GTF2H5: variants seen among roughly 807,000 people sequenced by gnomAD.
GTF2H5 encodes the protein general transcription factor IIH subunit 5, also known as TFB5 ortholog.
A neutral mutation model predicts 7.1 loss-of-function variants in GTF2H5; 5 were observed. That is an observed-to-expected ratio of 0.71 (90% CI 0.37 to 1.49). The LOEUF is 1.49. Ranked by LOEUF, GTF2H5 falls within the 40% of genes most tolerant of loss-of-function variation. GTF2H5 has a pLI of 0.03. For synonymous variants in GTF2H5, 30 were observed against 31.7 expected (o/e 0.95, Z 0.18); for missense variants, 80 against 83.0 (o/e 0.96, Z 0.14).
intron 1 of GTF2H5, among the ~76,000 whole-genome samples, chr6:158,168,624 A>C (rs575387793): frequency 1.3e-5 from 2 of 152,118 alleles, no homozygotes; most frequent in Admixed American, 6.5e-5. Context: ...CCCTGCGCCC[A>C]GGTGTAAGTG....
At chr6:158,175,909 T>C (rs1161704657) in intron 2 of GTF2H5, among the ~76,000 whole-genome samples, 1 of 152,224 alleles carries the variant, frequency 6.6e-6, no homozygotes, top group Admixed American at 6.5e-5. Context: ...TTTAAGTGAT[T>C]CAGGGAAATG....
intron 1 of GTF2H5, among the ~76,000 whole-genome samples, chr6:158,169,638 C>CATATA (rs1554267061): frequency 9.0e-5 from 4 of 44,492 alleles, no homozygotes; most frequent in African/African-American, 2.3e-4. Flanking sequence ...TTGTATATTA[C>CATATA]ATATATTGTA....
chr6:158,189,707 G>A (rs776196002), intron 2 of GTF2H5, among the ~76,000 whole-genome samples: 2 of 152,146 alleles, frequency 1.3e-5, no homozygotes, highest in Non-Finnish European at 2.9e-5. Context: ...CTAGCTTCCA[G>A]TCTACCTTTC....
chr6:158,180,132 C>T lies in GTF2H5; in HGVS notation c.35+9594C>T, dbSNP rs192089951. Among the ~76,000 whole-genome samples, 13 of 152,142 alleles carry T rather than the reference C, an allele frequency of 8.5e-5. No homozygotes were observed. The East Asian group carries it at 1.4e-3, about 16-fold the overall frequency. ...CCTTTTCCGCATCTTTTGAGATAAT[C>T]GTGGTTTTTGTCATTGGTTCTGTTT... is the stretch of plus-strand genomic sequence containing the variant. On this transcript the variant is annotated intron_variant, in intron 2 of 2. Transcript: ENST00000607778.
At chr6:158,177,837 T>C (rs1229879680) in intron 2 of GTF2H5, among the ~76,000 whole-genome samples, 3 of 152,188 alleles carry the variant, frequency 2.0e-5, no homozygotes, top group Non-Finnish European at 2.9e-5. Context: ...TTTCTGATCT[T>C]GTGATAGTTT....
Position 158,181,810 on chromosome 6 carries a change from C to T in GTF2H5, c.36-10167C>T, listed in dbSNP as rs543652890. On this transcript the variant is annotated intron_variant, in intron 2 of 2. Coordinates refer to ENST00000607778, the MANE Select transcript of GTF2H5 (RefSeq NM_207118.3). Reference sequence around the variant, plus strand: ...GGGTCTCCTGAATACAGCACACCAACGGGTCTTGACTCTATCCCATTTGGC... The same window carrying T: ...GGGTCTCCTGAATACAGCACACCAATGGGTCTTGACTCTATCCCATTTGGC... 1.6e-3 allele frequency among the ~76,000 whole-genome samples: 239 copies of T among 152,052 alleles called. 1 individual carries two copies. The highest frequency in any genetic ancestry group is 2.4e-3 in the Non-Finnish European group (166 of 67,992).
rs934113200 is a variant in GTF2H5 at position 158,198,788 on chromosome 6, T to G, written c.*6631T>G. The G allele has an allele frequency of 1.3e-5, 2 of 150,508 alleles. No homozygotes were observed. The highest frequency in any genetic ancestry group is 5.0e-5 in the African/African-American group (2 of 40,152). The allele number at this position is 150,508 out of a possible 1,614,324, so 9.3% of individuals were successfully genotyped here. A position where few individuals can be genotyped will look rare whatever the true frequency, so the allele number is the denominator to read the frequency against. Reference sequence around the variant, plus strand: ...CATCTCTTGTTTTCTCACCCAGCTGTTCTTCTTCTAGTTGGCCATCATTCT... The same window carrying G: ...CATCTCTTGTTTTCTCACCCAGCTGGTCTTCTTCTAGTTGGCCATCATTCT... On this transcript the variant is annotated 3_prime_UTR_variant, in exon 3 of 3. Coordinates refer to ENST00000607778, the MANE Select transcript of GTF2H5 (RefSeq NM_207118.3).
intron 1 of GTF2H5, among the ~76,000 whole-genome samples, chr6:158,168,924 C>A (rs958925378): frequency 6.6e-6 from 1 of 152,032 alleles, no homozygotes; most frequent in Non-Finnish European, 1.5e-5. Flanking sequence ...ATGGTGAAAC[C>A]CCGTCTCCAC....
At chr6:158,168,658 C>G (rs536323390) in intron 1 of GTF2H5, among the ~76,000 whole-genome samples, 56 of 152,342 alleles carry the variant, frequency 3.7e-4, no homozygotes, top group African/African-American at 1.3e-3. Context: ...TGGGCGTACG[C>G]TGAGTGGTTT....
At chr6:158,168,587 G>A (rs1298539938) in intron 1 of GTF2H5, among the ~76,000 whole-genome samples, 192 bp downstream of exon 1, 1 of 152,210 alleles carries the variant, frequency 6.6e-6, no homozygotes, top group Non-Finnish European at 1.5e-5. Context: ...TCGTTTAATC[G>A]TGGGTTTCCT....
intron 2 of GTF2H5, 23 bp from the exon 3 acceptor site, chr6:158,191,954 C>T (rs776946388): frequency 6.3e-7 from 1 of 1,598,084 alleles, no homozygotes; most frequent in Non-Finnish European, 8.6e-7. Context: ...AGCTGTCTTA[C>T]AATCATGTGT....
intron 1 of GTF2H5, among the ~76,000 whole-genome samples, chr6:158,169,358 A>ATGTATAT (rs1562467643): frequency 2.6e-4 from 21 of 80,916 alleles, no homozygotes; most frequent in African/African-American, 8.7e-4. Context: ...TATATATAAT[A>ATGTATAT]CATATATATA....
At chr6:158,181,174 G>A (rs1341919435) in intron 2 of GTF2H5, among the ~76,000 whole-genome samples, 1 of 152,148 alleles carries the variant, frequency 6.6e-6, no homozygotes, top group Non-Finnish European at 1.5e-5. Context: ...CCATGTAGTT[G>A]TGTGGTTTTG....
rs1777125323 is a variant in GTF2H5 at position 158,197,128 on chromosome 6, A to ACC, written c.*4971_*4972insCC. 6.5e-6 allele frequency: 1 copy of ACC among 153,676 alleles called. No individual in the cohort carries two copies. The highest frequency in any genetic ancestry group is 6.5e-5 in the Admixed American group (1 of 15,308). 9.5% of individuals were successfully genotyped at this position (153,676 alleles called of 1,614,324 possible). A position where few individuals can be genotyped will look rare whatever the true frequency, so the allele number is the denominator to read the frequency against. ...AACAGACTTTTAAAACCTTGAATTC[A>ACC]GAGACAGGTATAAAGACTGCTTGGT... is the stretch of plus-strand genomic sequence containing the variant. On this transcript the variant is annotated 3_prime_UTR_variant, in exon 3 of 3. Coordinates refer to ENST00000607778, the MANE Select transcript of GTF2H5 (RefSeq NM_207118.3).
intron 1 of GTF2H5, among the ~76,000 whole-genome samples, chr6:158,169,341 C>T (rs182240136): frequency 0.036 from 2,615 of 71,780 alleles, 148 homozygotes; most frequent in African/African-American, 0.12. Flanking sequence ...ATATATAATA[C>T]GTATATTATA....
At chr6:158,174,261 T>C (rs1785899842) in intron 2 of GTF2H5, among the ~76,000 whole-genome samples, 1 of 152,200 alleles carries the variant, frequency 6.6e-6, no homozygotes, top group Non-Finnish European at 1.5e-5. Flanking sequence ...GTGTAATAGC[T>C]TATATAGTGC....
intron 2 of GTF2H5, among the ~76,000 whole-genome samples, chr6:158,174,688 A>T (rs1785904811): frequency 6.6e-6 from 1 of 152,222 alleles, no homozygotes; most frequent in Admixed American, 6.5e-5. Context: ...CAGATGCTGG[A>T]GCAGACCTCT....
intron 2 of GTF2H5, among the ~76,000 whole-genome samples, chr6:158,186,346 C>T (rs1486818530): frequency 6.6e-6 from 1 of 152,230 alleles, no homozygotes; most frequent in Non-Finnish European, 1.5e-5. Context: ...AACCACTTAA[C>T]TCTTGCTGCC....
intron 2 of GTF2H5, among the ~76,000 whole-genome samples, chr6:158,175,907 AT>A (rs2128429604): frequency 6.6e-6 from 1 of 152,344 alleles, no homozygotes; most frequent in South Asian, 2.1e-4. Flanking sequence ...ATTTTAAGTG[AT>A]TCAGGGAAAT....
Sources: gnomAD v4.1 joint callset for allele counts (sites outside exome capture counted in the v4.1 genomes callset) on GRCh38, gnomAD v4.1.1 for gene constraint, MANE v1.5 for transcripts, NCBI Gene and HGNC (gene_info 2026-07-23, HGNC 2026-07-21) for gene names.